UBE2E2: variants seen among roughly 807,000 people sequenced by gnomAD.
The protein encoded by UBE2E2 is ubiquitin conjugating enzyme E2 E2.
Under a neutral mutation model 24.7 loss-of-function variants are expected in UBE2E2, and 6 were observed. The ratio of observed to expected loss-of-function variants is 0.24; its 90% CI spans 0.13 to 0.48. UBE2E2 has a LOEUF of 0.48. Among genes scored for constraint, UBE2E2 ranks in the 20% least tolerant of loss-of-function variants. UBE2E2 has a pLI of 0.99. For synonymous variants in UBE2E2, 104 were observed against 83.6 expected, an observed-to-expected ratio of 1.24 and a Z score of -1.33; for missense variants, 169 against 245.0, an observed-to-expected ratio of 0.69 and a Z score of 2.07.
At chr3:23,299,496 T>G (rs967115633) in intron 3 of UBE2E2, among the ~76,000 whole-genome samples, 12 of 150,506 alleles carry the variant, frequency 8.0e-5, no homozygotes, top group South Asian at 4.2e-4. Flanking sequence ...TTTGTTCTCG[T>G]TGGTTTCAAA....
chr3:23,270,677 A>G (rs541595715), intron 3 of UBE2E2, among the ~76,000 whole-genome samples: 1 of 152,312 alleles, frequency 6.6e-6, no homozygotes, highest in Non-Finnish European at 1.5e-5. Flanking sequence ...AAAAAGAAGG[A>G]AATGGTTTGA....
intron 3 of UBE2E2, among the ~76,000 whole-genome samples, chr3:23,398,937 G>T (rs182946426): frequency 1.3e-5 from 2 of 152,306 alleles, no homozygotes; most frequent in Admixed American, 1.3e-4. Context: ...AAAACTGTGT[G>T]TGTTGAATTT....
At chr3:23,314,301 A>G (rs1257878912) in intron 3 of UBE2E2, among the ~76,000 whole-genome samples, 1 of 151,854 alleles carries the variant, frequency 6.6e-6, no homozygotes, top group African/African-American at 2.4e-5. Flanking sequence ...GCTAACTTTT[A>G]TATTTTTTGT....
At chr3:23,228,260 T>A (rs562424214) in intron 3 of UBE2E2, among the ~76,000 whole-genome samples, 1 of 152,214 alleles carries the variant, frequency 6.6e-6, no homozygotes, top group African/African-American at 2.4e-5. Context: ...TTTTAAATTC[T>A]TTACTGCTTT....
At chr3:23,550,427 A>T (rs1271306742) in intron 5 of UBE2E2, among the ~76,000 whole-genome samples, 1 of 152,204 alleles carries the variant, frequency 6.6e-6, no homozygotes, top group Admixed American at 6.5e-5. Flanking sequence ...TTTACTCTGT[A>T]TAAATCTCAG....
intron 3 of UBE2E2, among the ~76,000 whole-genome samples, chr3:23,469,552 A>T (rs982143558): frequency 6.6e-6 from 1 of 152,198 alleles, no homozygotes; most frequent in African/African-American, 2.4e-5. Context: ...TTTGCCCAGT[A>T]AGAACCTCCC....
chr3:23,260,589 G>T (rs1048743155), intron 3 of UBE2E2, among the ~76,000 whole-genome samples: 7 of 152,068 alleles, frequency 4.6e-5, no homozygotes, highest in African/African-American at 1.7e-4. Context: ...GAGGTGGGAG[G>T]ATTGCTTGAG....
At chr3:23,357,872 G>A (rs1024034695) in intron 3 of UBE2E2, among the ~76,000 whole-genome samples, 2 of 151,998 alleles carry the variant, frequency 1.3e-5, no homozygotes, top group East Asian at 1.9e-4. Flanking sequence ...AAGGTCTCAC[G>A]CTATCACCCA....
At chr3:23,289,865 A>G (rs1423971461) in intron 3 of UBE2E2, among the ~76,000 whole-genome samples, 1 of 152,216 alleles carries the variant, frequency 6.6e-6, no homozygotes, top group Non-Finnish European at 1.5e-5. Context: ...TACCGTAGGA[A>G]CAGAATGGTT....
In UBE2E2 at chr3:23,591,360, C is replaced by G. The variant is rs1156270747; in HGVS notation, c.*1529C>G. On this transcript the variant is annotated 3_prime_UTR_variant, in exon 6 of 6. Transcript: ENST00000396703. The stretch of plus-strand genomic sequence containing the variant: ...TCTAAATATTTTAACATTTAAAATG[C>G]CTGATTCAAAAGATACAGTTTTTGT... The G allele has an allele frequency of 1.3e-5, 2 of 151,942 alleles. No individual in the cohort carries two copies. The highest frequency in any genetic ancestry group is 2.9e-5 in the Non-Finnish European group (2 of 67,986). The allele number at this position is 151,942 out of a possible 1,614,324, so 9.4% of individuals were successfully genotyped here. A position where few individuals can be genotyped will look rare whatever the true frequency, so the allele number is the denominator to read the frequency against.
chr3:23,270,285 G>A (rs1698200765), intron 3 of UBE2E2, among the ~76,000 whole-genome samples: 1 of 151,354 alleles, frequency 6.6e-6, no homozygotes, highest in African/African-American at 2.4e-5. Context: ...GCTACTCCTA[G>A]TCTACTGTTC....
chr3:23,589,724 T>C lies in UBE2E2; in HGVS notation c.509-10T>C. Reference sequence around the variant, plus strand: ...GTATTTACTGACTCCCAACTCTGCTTTCCTTGCAGCTGACCCTCTGGTGGG... The same window carrying C: ...GTATTTACTGACTCCCAACTCTGCTCTCCTTGCAGCTGACCCTCTGGTGGG... On this transcript the variant is annotated splice_polypyrimidine_tract_variant and intron_variant, in intron 5 of 5. Transcript: ENST00000396703. The surrounding 1 kb of genome is among the most constrained non-coding windows in gnomAD (Gnocchi z 4.1). The C allele has an allele frequency of 6.2e-7, 1 of 1,613,844 alleles. No homozygotes were observed. Among genetic ancestry groups the C allele is most frequent in the Non-Finnish European group, 8.5e-7 (1 of 1,179,818 alleles).
chr3:23,210,098 T>G (rs545235291), intron 2 of UBE2E2, among the ~76,000 whole-genome samples: 1 of 151,294 alleles, frequency 6.6e-6, no homozygotes, highest in South Asian at 2.1e-4. Context: ...ACCTGGAAAA[T>G]GGGGGGTGGG....
intron 5 of UBE2E2, among the ~76,000 whole-genome samples, chr3:23,573,873 A>G (rs573181116): frequency 1.9e-4 from 29 of 152,316 alleles, no homozygotes; most frequent in African/African-American, 6.7e-4. Flanking sequence ...GAATAGTAAC[A>G]AAAGGGTAAA....
intron 3 of UBE2E2, among the ~76,000 whole-genome samples, chr3:23,340,401 C>T (rs1379979839): frequency 1.3e-5 from 2 of 152,026 alleles, no homozygotes; most frequent in Non-Finnish European, 2.9e-5. Flanking sequence ...AAGTGCCTGT[C>T]ATGCTCTGGA....
intron 5 of UBE2E2, among the ~76,000 whole-genome samples, chr3:23,548,343 T>C (rs1695569645): frequency 6.6e-6 from 1 of 152,236 alleles, no homozygotes; most frequent in East Asian, 1.9e-4. Flanking sequence ...TGCATTTTGC[T>C]TTACTTTCTG....
intron 3 of UBE2E2, among the ~76,000 whole-genome samples, chr3:23,441,299 C>T (rs1315428333): frequency 2.1e-5 from 3 of 146,328 alleles, no homozygotes; most frequent in African/African-American, 7.7e-5. Context: ...CCAAGGCGGG[C>T]AGATCACGAC....
Position 23,474,712 on chromosome 3 carries a change from C to G in UBE2E2, c.228-24896C>G, listed in dbSNP as rs1699091847. ...AATAATGCGTTAGACCAATTACAGT[C>G]TTACACAGTCTTCATCTTCCTCCCC... On this transcript the variant is annotated intron_variant, in intron 3 of 5. Coordinates refer to ENST00000396703, the MANE Select transcript of UBE2E2 (RefSeq NM_152653.4). The surrounding 1 kb of genome is among the most constrained non-coding windows in gnomAD (Gnocchi z 4.0). Among the ~76,000 whole-genome samples, 1 of 152,054 alleles carries G rather than the reference C, an allele frequency of 6.6e-6. No homozygotes were observed. The highest frequency in any genetic ancestry group is 2.1e-4 in the South Asian group (1 of 4,826).
chr3:23,236,535 C>G (rs1053414100), intron 3 of UBE2E2, among the ~76,000 whole-genome samples: 1 of 144,146 alleles, frequency 6.9e-6, no homozygotes, highest in Non-Finnish European at 1.5e-5. Flanking sequence ...CAGTGTGTAT[C>G]ATTATTTATT....
Sources: gnomAD v4.1 joint callset for allele counts (sites outside exome capture counted in the v4.1 genomes callset) on GRCh38, gnomAD v4.1.1 for gene constraint, Gnocchi (gnomAD v3.1) non-coding constraint, MANE v1.5 for transcripts, NCBI Gene and HGNC (gene_info 2026-07-23, HGNC 2026-07-21) for gene names.